PTK2: variants seen among roughly 807,000 people sequenced by gnomAD.
PTK2 encodes focal adhesion kinase 1.
Under a neutral mutation model 150.1 loss-of-function variants are expected in PTK2, and 45 were observed. The observed-to-expected ratio is 0.30, with a 90% CI of 0.24 to 0.38. The LOEUF is 0.38. Ranked by LOEUF, PTK2 falls within the 10% of genes least tolerant of loss-of-function variation. The probability of loss-of-function intolerance (pLI) is 1.00; values close to 1 mark genes in which losing one functional copy is unlikely to be tolerated. For missense variants in PTK2, 919 were observed against 1,307.3 expected (o/e 0.70, Z 4.58); for synonymous variants, 432 against 449.2 (o/e 0.96, Z 0.48).
At chr8:140,961,274 T>C (rs2100183081) in intron 1 of PTK2, among the ~76,000 whole-genome samples, 1 of 152,220 alleles carries the variant, frequency 6.6e-6, no homozygotes, top group African/African-American at 2.4e-5. Context: ...CATTTGCTAT[T>C]TCCAAGAAAT....
chr8:140,908,780 C>T (rs570082763), intron 2 of PTK2, among the ~76,000 whole-genome samples: 4 of 152,272 alleles, frequency 2.6e-5, no homozygotes, highest in South Asian at 2.1e-4. Context: ...CCAGTTTCCA[C>T]GGAAAAGAAC....
intron 22 of PTK2, among the ~76,000 whole-genome samples, chr8:140,723,261 A>G (rs2100044005): frequency 6.6e-6 from 1 of 152,230 alleles, no homozygotes; most frequent in East Asian, 1.9e-4. Context: ...TGCATATTAT[A>G]GACACTTTGA....
intron 16 of PTK2, among the ~76,000 whole-genome samples, chr8:140,755,637 A>G (rs2100065231): frequency 6.6e-6 from 1 of 152,084 alleles, no homozygotes; most frequent in Non-Finnish European, 1.5e-5. Context: ...TTTTCCATGC[A>G]TTGTTTTTCT....
In PTK2 at chr8:140,845,274, C is replaced by G. The variant is rs566910591; in HGVS notation, c.593+986G>C. ...AAGTCCAGACTCTTTGAAGAATGTA[C>G]TAGATAGGTAATGACCTGGTCCCTG... On this transcript the variant is annotated intron_variant, in intron 7 of 31. Coordinates refer to ENST00000522684, the Ensembl canonical transcript of PTK2. Among the ~76,000 whole-genome samples the G allele has an allele frequency of 5.9e-5, 9 of 152,264 alleles. No individual in the cohort carries two copies. In the South Asian group the frequency reaches 1.9e-3, roughly 32 times the overall value.
intron 23 of PTK2, among the ~76,000 whole-genome samples, chr8:140,706,581 G>A (rs2100033959): frequency 6.6e-6 from 1 of 152,038 alleles, no homozygotes; most frequent in Non-Finnish European, 1.5e-5. Flanking sequence ...TGGGGTGGGC[G>A]GATCCTTTGA....
chr8:140,870,175 T>C (rs1481962395), intron 4 of PTK2, among the ~76,000 whole-genome samples: 3 of 152,178 alleles, frequency 2.0e-5, no homozygotes, highest in Non-Finnish European at 1.5e-5. Flanking sequence ...CACCATAAAA[T>C]TGTTATGCTT....
intron 1 of PTK2, among the ~76,000 whole-genome samples, chr8:140,929,345 T>C (rs2100170893): frequency 6.6e-6 from 1 of 152,190 alleles, no homozygotes; most frequent in African/African-American, 2.4e-5. Context: ...TCTGCAAATA[T>C]AATTATGTTT....
At chr8:140,800,062 T>A (rs2100094034) in intron 12 of PTK2, among the ~76,000 whole-genome samples, 1 of 152,214 alleles carries the variant, frequency 6.6e-6, no homozygotes, top group Non-Finnish European at 1.5e-5. Flanking sequence ...TCTAAGCTTT[T>A]GAGATATATA....
At position 140,972,275 on chromosome 8, in the gene PTK2, A is replaced by AT. The variant is rs1027539461; in HGVS notation, c.-122+28849dup. On this transcript the variant is annotated intron_variant, in intron 1 of 31. Coordinates refer to ENST00000522684, the Ensembl canonical transcript of PTK2. ...TATTTTAATTAATAAATAATTGTTAATTTTTTTTAGATGGAGTCTCATTCT... is the reference window on the plus strand; with the variant it reads ...TATTTTAATTAATAAATAATTGTTAATTTTTTTTTAGATGGAGTCTCATTCT... 9.2e-5 allele frequency among the ~76,000 whole-genome samples: 14 copies of AT among 151,768 alleles called. No individual in the cohort carries two copies. In the East Asian group the frequency reaches 2.5e-3, roughly 27 times the overall value.
intron 2 of PTK2, among the ~76,000 whole-genome samples, chr8:140,917,863 G>T (rs1367413100): frequency 1.3e-5 from 2 of 152,162 alleles, no homozygotes; most frequent in Admixed American, 1.3e-4. Flanking sequence ...TATAGGAGGG[G>T]ACACTAGAGA....
intron 23 of PTK2, among the ~76,000 whole-genome samples, chr8:140,713,179 A>T (rs911303088): frequency 6.6e-6 from 1 of 152,260 alleles, no homozygotes; most frequent in African/African-American, 2.4e-5. Flanking sequence ...GGTGAAGAAC[A>T]CAGTGATGAC....
At chr8:140,744,792 A>G (rs1465571989) in intron 18 of PTK2, 25 bp from the exon 22 acceptor site, 5 of 1,238,602 alleles carry the variant, frequency 4.0e-6, no homozygotes, top group Non-Finnish European at 5.7e-6. Context: ...ACCAAAAGAA[A>G]AAAAAAAAAA....
At chr8:140,818,310 T>C (rs1488978977) in exon 10 of PTK2, 1 of 1,614,152 alleles carries the variant, frequency 6.2e-7, no homozygotes, top group South Asian at 1.1e-5. Context: ...AACTGATTCC[T>C]TCTTCTGGGC....
intron 1 of PTK2, among the ~76,000 whole-genome samples, chr8:140,983,134 C>G (rs188427657): frequency 5.3e-5 from 8 of 152,184 alleles, no homozygotes; most frequent in Non-Finnish European, 8.8e-5. Flanking sequence ...CACCTGCAAT[C>G]CCAGCACTTT....
Position 140,822,581 on chromosome 8 carries a change from C to T in PTK2, c.649-3561G>A, listed in dbSNP as rs576833946. ...GAACTACTTGATTTCTTTTTACTTGCTATGAGACCAATTCAAACACCTCCT... is the reference window on the plus strand; with the variant it reads ...GAACTACTTGATTTCTTTTTACTTGTTATGAGACCAATTCAAACACCTCCT... On this transcript the variant is annotated intron_variant, in intron 8 of 31. Coordinates refer to ENST00000522684, the Ensembl canonical transcript of PTK2. Among the ~76,000 whole-genome samples, 20 of 152,266 alleles carry T rather than the reference C, an allele frequency of 1.3e-4. 1 individual carries two copies. The South Asian group carries it at 2.3e-3, about 17-fold the overall frequency.
chr8:140,675,613 T>C (rs1169753711), intron 27 of PTK2, 114 bp from the exon 31 acceptor site: 1 of 788,162 alleles, frequency 1.3e-6, no homozygotes, highest in Non-Finnish European at 2.1e-6. Context: ...TTCTAGTGTA[T>C]CAAAATGAAC....
intron 1 of PTK2, among the ~76,000 whole-genome samples, chr8:140,996,799 TGAGA>T (rs773697176): frequency 7.9e-4 from 120 of 152,376 alleles, no homozygotes; most frequent in Non-Finnish European, 4.9e-4. Context: ...CCAAGAGCTC[TGAGA>T]GAGATGTACA....
Position 140,818,741 on chromosome 8 carries a change from T to C in PTK2, c.789+139A>G, listed in dbSNP as rs561641691. The stretch of plus-strand genomic sequence containing the variant: ...TTATTTTCTTTTTCTATTTTTCACA[T>C]GGTAAAATGAAAAAATATCATTTTA... On this transcript the variant is annotated intron_variant, in intron 9 of 31. Coordinates refer to ENST00000522684, the Ensembl canonical transcript of PTK2. 97 of 991,592 alleles carry C rather than the reference T, an allele frequency of 9.8e-5. 2 individuals carry two copies. In the East Asian group the frequency reaches 2.3e-3, roughly 23 times the overall value. The allele number at this position is 991,592 out of a possible 1,614,324, so 61.4% of individuals were successfully genotyped here. A position where few individuals can be genotyped will look rare whatever the true frequency, so the allele number is the denominator to read the frequency against.
At chr8:140,932,463 G>A (rs867680004) in intron 1 of PTK2, among the ~76,000 whole-genome samples, 6 of 151,922 alleles carry the variant, frequency 3.9e-5, no homozygotes, top group African/African-American at 4.8e-5. Flanking sequence ...TGATCCACCC[G>A]CATCAGCCTC....
Sources: gnomAD v4.1 joint callset for allele counts (sites outside exome capture counted in the v4.1 genomes callset) on GRCh38, gnomAD v4.1.1 for gene constraint, MANE v1.5 for transcripts, NCBI Gene and HGNC (gene_info 2026-07-23, HGNC 2026-07-21) for gene names.